The following PLCB4 variants were observed in gnomAD, a reference collection of about 807,000 sequenced individuals.
The protein encoded by PLCB4 is phospholipase C beta 4, also known as 1-phosphatidylinositol 4,5-bisphosphate phosphodiesterase beta-4.
Under a neutral mutation model 178.8 loss-of-function variants are expected in PLCB4, and 77 were observed. The ratio of observed to expected loss-of-function variants is 0.43; its 90% CI spans 0.36 to 0.52. The LOEUF is 0.52. Among genes scored for constraint, PLCB4 ranks in the 20% least tolerant of loss-of-function variants. PLCB4 has a pLI of 0.00. For synonymous variants in PLCB4, 496 were observed against 490.8 expected, an observed-to-expected ratio of 1.01 and a Z score of -0.14; for missense variants, 1,024 against 1,453.4, an observed-to-expected ratio of 0.70 and a Z score of 4.80.
In PLCB4 at chr20:9,478,978, A is replaced by C; in HGVS notation, c.3590A>C (p.Asn1197Thr). ...IGSRDGPQTS[N>T]SSMKLQNAN ...AGCCGAGATGGACCGCAGACCAGCA[A>C]CAGTAGTATGAAACTCCAAAATGCA... The change falls in exon 40 of 40, where the codon AAC becomes ACC. Residue 1197 changes from asparagine (N) to threonine (T), a missense_variant. Coordinates refer to ENST00000378473, the MANE Select transcript of PLCB4 (RefSeq NM_001377142.1). 1 of 1,613,640 alleles carries C rather than the reference A, an allele frequency of 6.2e-7. No individual in the cohort carries two copies. Among genetic ancestry groups the C allele is most frequent in the Non-Finnish European group, 8.5e-7 (1 of 1,179,638 alleles).
At chr20:9,341,051 A>G (rs556950685) in intron 7 of PLCB4, among the ~76,000 whole-genome samples, 9 of 152,264 alleles carry the variant, frequency 5.9e-5, no homozygotes, top group South Asian at 2.1e-4. Flanking sequence ...CCAGAGTCCA[A>G]CCTAAAACCA....
intron 38 of PLCB4, among the ~76,000 whole-genome samples, chr20:9,475,452 G>A (rs375796170): frequency 5.5e-4 from 84 of 152,244 alleles, no homozygotes; most frequent in African/African-American, 9.1e-4. Flanking sequence ...GAGGGTGCTG[G>A]CTTTTTGTTG....
chr20:9,289,751 A>G (rs905505272), intron 3 of PLCB4, among the ~76,000 whole-genome samples: 3 of 152,076 alleles, frequency 2.0e-5, no homozygotes, highest in Non-Finnish European at 2.9e-5. Context: ...TTCGGTCAAA[A>G]GGTTTGTTAA....
chr20:9,090,264 G>GTCT, intron 1 of PLCB4, among the ~76,000 whole-genome samples: 2 of 115,316 alleles, frequency 1.7e-5, no homozygotes, highest in Non-Finnish European at 4.0e-5. Context: ...TCTGTCATGG[G>GTCT]AAAGTATTGA....
At position 9,479,225 on chromosome 20, in the gene PLCB4, A is replaced by G. The variant is rs1220555788; in HGVS notation, c.*216A>G. The G allele has an allele frequency of 1.3e-5, 7 of 556,950 alleles. No homozygotes were observed. The highest frequency in any genetic ancestry group is 9.5e-5 in the African/African-American group (5 of 52,884). The allele number at this position is 556,950 out of a possible 1,614,324, so 34.5% of individuals were successfully genotyped here. Reference sequence around the variant, plus strand: ...AGCTACAAATCCACAAAAATTTACTATTCCAGTAAGGCAGAGTCCAACCAT... The same window carrying G: ...AGCTACAAATCCACAAAAATTTACTGTTCCAGTAAGGCAGAGTCCAACCAT... On this transcript the variant is annotated 3_prime_UTR_variant, in exon 40 of 40. Coordinates refer to ENST00000378473, the MANE Select transcript of PLCB4 (RefSeq NM_001377142.1).
intron 32 of PLCB4, among the ~76,000 whole-genome samples, chr20:9,445,458 C>T (rs963773500): frequency 6.6e-6 from 1 of 152,224 alleles, no homozygotes; most frequent in Non-Finnish European, 1.5e-5. Context: ...ATGCCGAGAA[C>T]ATTGTCTGGA....
intron 2 of PLCB4, among the ~76,000 whole-genome samples, chr20:9,106,776 A>G (rs1020193053): frequency 1.2e-4 from 18 of 152,238 alleles, no homozygotes; most frequent in African/African-American, 4.1e-4. Flanking sequence ...GGCAGTATGT[A>G]TAAGATTTTA....
In PLCB4 at chr20:9,347,991, CA is replaced by C. The variant is rs371187547; in HGVS notation, c.369+8961del. Among the ~76,000 whole-genome samples, 123 of 152,126 alleles carry C rather than the reference CA, an allele frequency of 8.1e-4. 1 individual carries two copies. In the Middle Eastern group the frequency reaches 0.014, roughly 17 times the overall value. Reference sequence around the variant, plus strand: ...CCATCTCAAAAACAAAACAAACAAACAAAAAAACTTAAGGAAGCACTCTCTT... The same window carrying C: ...CCATCTCAAAAACAAAACAAACAAACAAAAAACTTAAGGAAGCACTCTCTT... On this transcript the variant is annotated intron_variant, in intron 7 of 39. Transcript: ENST00000378473.
chr20:9,353,359 G>A (rs1199274623), intron 7 of PLCB4, among the ~76,000 whole-genome samples: 1 of 152,070 alleles, frequency 6.6e-6, no homozygotes, highest in African/African-American at 2.4e-5. Context: ...TTGTCCCATG[G>A]GCATGTGGGC....
At chr20:9,170,526 A>G (rs1366092063) in intron 2 of PLCB4, among the ~76,000 whole-genome samples, 1 of 152,164 alleles carries the variant, frequency 6.6e-6, no homozygotes, top group Non-Finnish European at 1.5e-5. Context: ...TTCTCTGGAT[A>G]TAAAGAAAAA....
intron 1 of PLCB4, among the ~76,000 whole-genome samples, chr20:9,080,630 G>A (rs555083003): frequency 6.6e-6 from 1 of 152,222 alleles, no homozygotes; most frequent in Admixed American, 6.5e-5. Flanking sequence ...CCTTAAAATG[G>A]TATTCTCTGG....
chr20:9,442,610 A>G (rs1243286196), intron 30 of PLCB4, among the ~76,000 whole-genome samples: 2 of 152,178 alleles, frequency 1.3e-5, no homozygotes, highest in African/African-American at 2.4e-5. Context: ...AGGACCTTGC[A>G]TACTCCCCAA....
At chr20:9,099,777 G>A (rs1381438282) in intron 2 of PLCB4, among the ~76,000 whole-genome samples, 2 of 152,072 alleles carry the variant, frequency 1.3e-5, no homozygotes, top group African/African-American at 4.8e-5. Flanking sequence ...TAGTGAATGC[G>A]TGGAAAAGAA....
At chr20:9,113,383 T>C (rs751105207) in intron 2 of PLCB4, among the ~76,000 whole-genome samples, 2 of 152,182 alleles carry the variant, frequency 1.3e-5, no homozygotes, top group Non-Finnish European at 2.9e-5. Flanking sequence ...CTTCACATTC[T>C]GATTGTGCAG....
intron 3 of PLCB4, among the ~76,000 whole-genome samples, chr20:9,245,113 T>G (rs936639960): frequency 2.0e-5 from 3 of 152,040 alleles, no homozygotes; most frequent in African/African-American, 7.2e-5. Flanking sequence ...AGCCTGTTCA[T>G]ATGGTGGAGG....
At chr20:9,112,634 A>C (rs1483093790) in intron 2 of PLCB4, among the ~76,000 whole-genome samples, 1 of 152,154 alleles carries the variant, frequency 6.6e-6, no homozygotes, top group Non-Finnish European at 1.5e-5. Context: ...TCTTTAAAAT[A>C]TTATAAAAAA....
chr20:9,413,910 A>G (rs2040057124), intron 25 of PLCB4, among the ~76,000 whole-genome samples: 1 of 151,998 alleles, frequency 6.6e-6, no homozygotes, highest in Non-Finnish European at 1.5e-5. Flanking sequence ...GCCCACCACC[A>G]CACATGGCTA....
intron 2 of PLCB4, among the ~76,000 whole-genome samples, chr20:9,144,076 G>T (rs1214084729): frequency 6.6e-6 from 1 of 152,098 alleles, no homozygotes; most frequent in Non-Finnish European, 1.5e-5. Flanking sequence ...GTTTTATTTG[G>T]TATCACTTTT....
chr20:9,453,668 G>A (rs2042901631), intron 33 of PLCB4, among the ~76,000 whole-genome samples: 1 of 152,100 alleles, frequency 6.6e-6, no homozygotes. Flanking sequence ...CTTCTGGTTT[G>A]GGGAAGGTTC....
Sources: allele counts gnomAD v4.1 joint callset (sites outside exome capture counted in the v4.1 genomes callset), GRCh38; gene constraint gnomAD v4.1.1; transcripts MANE v1.5; gene names NCBI Gene and HGNC (gene_info 2026-07-23, HGNC 2026-07-21).